Variants in USP18 observed in about 807,000 individuals in gnomAD.
USP18 encodes the protein ubl carboxyl-terminal hydrolase 18.
A neutral mutation model predicts 48.7 loss-of-function variants in USP18; 11 were observed. That is an observed-to-expected ratio of 0.23 (90% CI 0.14 to 0.37). The LOEUF (loss-of-function observed/expected upper bound fraction) is 0.37. USP18 is among the 10% of genes least tolerant of loss of function. USP18 has a pLI of 1.00. For missense variants in USP18, 285 were observed against 436.4 expected, an observed-to-expected ratio of 0.65 and a Z score of 3.09; for synonymous variants, 114 against 163.2, an observed-to-expected ratio of 0.70 and a Z score of 2.30.
At chr22:18,163,983 C>T (rs769065735) in intron 4 of USP18, among the ~76,000 whole-genome samples, 7 of 152,240 alleles carry the variant, frequency 4.6e-5, no homozygotes, top group African/African-American at 7.2e-5. Context: ...CTCTGCAAAA[C>T]GCTGGACAGA....
chr22:18,172,120 T>C (rs1408513226), intron 8 of USP18, among the ~76,000 whole-genome samples: 1 of 152,166 alleles, frequency 6.6e-6, no homozygotes, highest in African/African-American at 2.4e-5. Context: ...AAAAAAGACT[T>C]TGTTATGGAA....
At chr22:18,168,108 C>G (rs904915186) in intron 6 of USP18, 72 bp downstream of exon 6, 2 of 1,582,960 alleles carry the variant, frequency 1.3e-6, no homozygotes, top group Admixed American at 3.5e-5. Flanking sequence ...AACTCAATAT[C>G]TGAGACTAGG....
chr22:18,166,272 G>A (rs1169144289), intron 4 of USP18, among the ~76,000 whole-genome samples: 1 of 152,058 alleles, frequency 6.6e-6, no homozygotes, highest in Non-Finnish European at 1.5e-5. Context: ...CAAGATTTCT[G>A]CTTGGTTCTT....
chr22:18,153,231 C>A (rs1929043852), intron 1 of USP18, among the ~76,000 whole-genome samples: 1 of 152,106 alleles, frequency 6.6e-6, no homozygotes, highest in Admixed American at 6.6e-5. Flanking sequence ...GAGTTCAAGA[C>A]CAGCCTGGCC....
intron 4 of USP18, among the ~76,000 whole-genome samples, chr22:18,164,874 C>T (rs1242524036): frequency 1.3e-5 from 2 of 152,072 alleles, no homozygotes; most frequent in African/African-American, 4.8e-5. Context: ...CAAACCCTCC[C>T]CTCTCCAGGA....
intron 8 of USP18, 24 bp from the exon 9 acceptor site, chr22:18,173,126 T>G (rs764816579): frequency 6.3e-7 from 1 of 1,595,644 alleles, no homozygotes; most frequent in Non-Finnish European, 8.5e-7. Flanking sequence ...GTGGGTGAAC[T>G]GTCTCGTGCC....
In USP18 at chr22:18,159,845, T is replaced by G. The variant is rs1003363534; in HGVS notation, c.158-327T>G. The stretch of plus-strand genomic sequence containing the variant: ...CGCCCACCACCACGCCCGGCTAATT[T>G]TTTTTGCATTTTTAGTAGAGACGGG... On this transcript the variant is annotated intron_variant, in intron 2 of 10. Coordinates refer to ENST00000215794, the MANE Select transcript of USP18 (RefSeq NM_017414.4). 4.6e-5 allele frequency among the ~76,000 whole-genome samples: 7 copies of G among 152,034 alleles called. 1 individual carries two copies. The highest frequency in any genetic ancestry group is 7.4e-5 in the Non-Finnish European group (5 of 67,998).
rs183344527 is a variant in USP18, at chr22:18,172,741, G to A, written c.892-409G>A. On this transcript the variant is annotated intron_variant, in intron 8 of 10. Transcript: ENST00000215794. Reference sequence around the variant, plus strand: ...TCCACTGTGGGTGACTCAGCTTTGCGTCTGCCGCCCTTGCCCTCTGTCTCC... The same window carrying A: ...TCCACTGTGGGTGACTCAGCTTTGCATCTGCCGCCCTTGCCCTCTGTCTCC... 7.0e-3 allele frequency among the ~76,000 whole-genome samples: 1,059 copies of A among 150,922 alleles called. 17 individuals are homozygous for A. The highest frequency in any genetic ancestry group is 0.024 in the African/African-American group (978 of 40,978).
chr22:18,169,072 G>A (rs1433521227), intron 6 of USP18, among the ~76,000 whole-genome samples: 3 of 152,160 alleles, frequency 2.0e-5, no homozygotes, highest in Non-Finnish European at 4.4e-5. Context: ...ACCCTCAGCT[G>A]CAAAGTGTGG....
chr22:18,150,752 G>A (rs992503918), intron 1 of USP18, among the ~76,000 whole-genome samples: 1 of 152,142 alleles, frequency 6.6e-6, no homozygotes, highest in Admixed American at 6.5e-5. Context: ...GATCACCTGA[G>A]GTCAGGAGTT....
At chr22:18,167,717 A>G (rs1334111313) in intron 5 of USP18, among the ~76,000 whole-genome samples, 173 bp from the exon 6 acceptor site, 1 of 149,712 alleles carries the variant, frequency 6.7e-6, no homozygotes, top group Non-Finnish European at 1.5e-5. Context: ...AAAAAAAAAA[A>G]GAAAAAAGAG....
At chr22:18,168,405 C>T (rs7511109) in intron 6 of USP18, among the ~76,000 whole-genome samples, 60,476 of 150,038 alleles carry the variant, frequency 0.4, 13,260 homozygotes, top group African/African-American at 0.58. Context: ...TCCCCCCCCC[C>T]TTTTTTTTGG....
At chr22:18,159,899 G>A (rs190164994) in intron 2 of USP18, among the ~76,000 whole-genome samples, 9 of 151,930 alleles carry the variant, frequency 5.9e-5, no homozygotes, top group Non-Finnish European at 7.4e-5. Context: ...GGATGGTCTC[G>A]ATCTCCTGAC....
chr22:18,154,614 AT>A lies in USP18; in HGVS notation c.-106-2935del, dbSNP rs362127. On this transcript the variant is annotated intron_variant, in intron 1 of 10. Transcript: ENST00000215794. ...GGCGTGCACCACTATGACCATCTAA[AT>A]TTTTTTTTAGAGATGGGGTCTCAGT... Among the ~76,000 whole-genome samples, 34 of 87,070 alleles carry A rather than the reference AT, an allele frequency of 3.9e-4. No individual in the cohort carries two copies. In the South Asian group the frequency reaches 5.1e-3, roughly 13 times the overall value. 57.1% of individuals were successfully genotyped at this position (87,070 alleles called of 152,430 possible).
At chr22:18,155,449 C>G (rs986873455) in intron 1 of USP18, among the ~76,000 whole-genome samples, 1 of 152,234 alleles carries the variant, frequency 6.6e-6, no homozygotes, top group Admixed American at 6.5e-5. Flanking sequence ...TTCAGCCCAC[C>G]GCTGCACTGT....
Position 18,167,919 on chromosome 22 carries a change from C to G in USP18, c.510C>G (p.Ile170Met). ...AGAGACTGCAGGCCCTGTATACGAT[C>G]CGGGTGAAGGACTCCTTGATTTGCG... ...LVERLQALYT[I>M]RVKDSLICVD... is the part of the protein sequence containing the mutation. Residue 170 changes from isoleucine (I) to methionine (M), a missense_variant, in exon 6 of 11, where the codon ATC becomes ATG. Ile to Met is a conservative substitution (Grantham distance 10). Transcript: ENST00000215794. 1 of 1,613,958 alleles carries G rather than the reference C, an allele frequency of 6.2e-7. No homozygotes were observed. Among genetic ancestry groups the G allele is most frequent in the Non-Finnish European group, 8.5e-7 (1 of 1,180,014 alleles).
At position 18,157,640 on chromosome 22, in the gene USP18, C is replaced by T. The variant is rs1929198369; in HGVS notation, c.-24C>T. ...TGAACGCGGGCCAGGCAGCTGCGGCCTGGGGGTTTTGGAGTGATCACGAAT... is the reference window on the plus strand; with the variant it reads ...TGAACGCGGGCCAGGCAGCTGCGGCTTGGGGGTTTTGGAGTGATCACGAAT... On this transcript the variant is annotated 5_prime_UTR_variant, in exon 2 of 11. Transcript: ENST00000215794. 1 of 1,613,606 alleles carries T rather than the reference C, an allele frequency of 6.2e-7. No individual in the cohort carries two copies. Among genetic ancestry groups the T allele is most frequent in the South Asian group, 1.1e-5 (1 of 91,058 alleles).
chr22:18,169,710 G>T (rs1420585426), intron 6 of USP18, 134 bp from the exon 7 acceptor site: 12 of 1,084,840 alleles, frequency 1.1e-5, no homozygotes, highest in Non-Finnish European at 1.6e-5. Context: ...AGAACCATGG[G>T]CCAATCAAAC....
chr22:18,157,808 G>T lies in USP18; in HGVS notation c.145G>T (p.Asp49Tyr). Residue 49 changes from aspartate to tyrosine, a missense_variant, in exon 2 of 11, where the codon GAC becomes TAC. Physicochemically the swap from Asp to Tyr is radical, Grantham distance 160. Transcript: ENST00000215794. ...EQPRERPRAW[D>Y]YPHGLVGLHN... ...GCCCAGAGAGCGTCCCAGGGCCTGG[G>T]ACTACCCTCATGGTCATTAGACCCC... 1 of 1,614,078 alleles carries T rather than the reference G, an allele frequency of 6.2e-7. No individual in the cohort carries two copies. The highest frequency in any genetic ancestry group is 8.5e-7 in the Non-Finnish European group (1 of 1,179,986).
Sources: allele counts gnomAD v4.1 joint callset (sites outside exome capture counted in the v4.1 genomes callset), GRCh38; gene constraint gnomAD v4.1.1; transcripts MANE v1.5; gene names NCBI Gene and HGNC (gene_info 2026-07-23, HGNC 2026-07-21).